The following WDR72 variants were observed in gnomAD, a reference collection of about 807,000 sequenced individuals.
WDR72 encodes WD repeat-containing protein 72.
WDR72 carries 120 observed loss-of-function variants against 124.2 expected under a neutral mutation model. That is an observed-to-expected ratio of 0.97 (90% CI 0.83 to 1.12). The LOEUF is 1.12. Ranked by LOEUF, WDR72 falls within the 50% of genes most tolerant of loss-of-function variation. WDR72 has a pLI of 0.00. For synonymous variants in WDR72, 452 were observed against 441.7 expected (o/e 1.02, Z -0.29); for missense variants, 1,387 against 1,278.8 (o/e 1.08, Z -1.29).
At chr15:53,645,603 T>C (rs538970246) in intron 14 of WDR72, among the ~76,000 whole-genome samples, 9 of 152,284 alleles carry the variant, frequency 5.9e-5, no homozygotes, top group African/African-American at 1.9e-4. Context: ...CTAAGAAAGA[T>C]ATGCTAAACA....
chr15:53,595,785 A>G (rs532895419), intron 18 of WDR72, among the ~76,000 whole-genome samples: 42 of 152,304 alleles, frequency 2.8e-4, no homozygotes, highest in African/African-American at 8.9e-4. Flanking sequence ...AACTATAATT[A>G]CGTGATATGA....
intron 16 of WDR72, 25 bp from the exon 17 acceptor site, chr15:53,609,617 T>C (rs949249070): frequency 1.9e-6 from 3 of 1,586,560 alleles, no homozygotes; most frequent in African/African-American, 2.7e-5. Flanking sequence ...AACACACTTG[T>C]ATCTTTAGAG....
chr15:53,521,619 G>C (rs1595724837), intron 19 of WDR72, among the ~76,000 whole-genome samples: 1 of 151,954 alleles, frequency 6.6e-6, no homozygotes, highest in South Asian at 2.1e-4. Flanking sequence ...CAATCAGATA[G>C]AGAATGTTAT....
At chr15:53,762,205 C>T (rs561096308), upstream of WDR72, among the ~76,000 whole-genome samples, 18 of 152,084 alleles carry the variant, frequency 1.2e-4, no homozygotes, top group Non-Finnish European at 1.8e-4. Context: ...CACAGGTTTT[C>T]CATCTCTTAA....
intron 14 of WDR72, among the ~76,000 whole-genome samples, chr15:53,638,561 ATTTTCTCCTAATCACAT>A (rs1235242745): frequency 5.1e-5 from 7 of 138,562 alleles, no homozygotes; most frequent in Non-Finnish European, 1.1e-4. Flanking sequence ...AAGATTTTAT[ATTTTCTCCTAATCACAT>A]TCTTTTTTTT....
intron 18 of WDR72, among the ~76,000 whole-genome samples, chr15:53,587,887 T>C (rs1278362731): frequency 6.6e-6 from 1 of 152,048 alleles, no homozygotes; most frequent in Non-Finnish European, 1.5e-5. Context: ...CTAACAACTC[T>C]CCTTTGAATT....
chr15:53,612,852 G>T (rs2013603718), intron 16 of WDR72, among the ~76,000 whole-genome samples: 2 of 151,872 alleles, frequency 1.3e-5, no homozygotes, highest in Non-Finnish European at 2.9e-5. Flanking sequence ...ATGATCAGGA[G>T]CCTGCTATGG....
chr15:53,718,842 G>GATTTTTAAA (rs2017792070), intron 3 of WDR72, among the ~76,000 whole-genome samples: 8 of 136,566 alleles, frequency 5.9e-5, no homozygotes, highest in African/African-American at 2.5e-4. Context: ...AAAATCTTAA[G>GATTTTTAAA]AATTTTTAAA....
chr15:53,557,588 G>A (rs915173743), intron 18 of WDR72, among the ~76,000 whole-genome samples: 1 of 151,978 alleles, frequency 6.6e-6, no homozygotes, highest in African/African-American at 2.4e-5. Context: ...GAATGGAGAA[G>A]CAACAGCTTA....
At chr15:53,572,854 T>C (rs1415794050) in intron 18 of WDR72, among the ~76,000 whole-genome samples, 4 of 152,224 alleles carry the variant, frequency 2.6e-5, no homozygotes, top group African/African-American at 9.6e-5. Flanking sequence ...CAGTAGCAAT[T>C]AGAGTTCTCC....
intron 11 of WDR72, 43 bp downstream of exon 11, chr15:53,704,945 T>A (rs2017303753): frequency 6.2e-7 from 1 of 1,609,346 alleles, no homozygotes; most frequent in Non-Finnish European, 8.5e-7. Flanking sequence ...AAATTGCAGC[T>A]TTAGATAAAT....
At chr15:53,601,145 A>G (rs1442525939) in intron 17 of WDR72, among the ~76,000 whole-genome samples, 2 of 152,150 alleles carry the variant, frequency 1.3e-5, no homozygotes, top group African/African-American at 4.8e-5. Flanking sequence ...AGCCCATTAG[A>G]CTAACAGTGG....
intron 18 of WDR72, among the ~76,000 whole-genome samples, chr15:53,573,199 G>A (rs1329411705): frequency 6.6e-6 from 1 of 152,130 alleles, no homozygotes; most frequent in Non-Finnish European, 1.5e-5. Context: ...TTGTCCAAAT[G>A]ACCTCCCTAA....
intron 13 of WDR72, 146 bp downstream of exon 13, chr15:53,699,604 C>T: frequency 5.0e-6 from 4 of 805,218 alleles, no homozygotes; most frequent in Non-Finnish European, 2.0e-6. Flanking sequence ...TGCACACATG[C>T]CTTTAACTGA....
intron 1 of WDR72, among the ~76,000 whole-genome samples, chr15:53,743,700 G>A (rs2018568438): frequency 6.6e-6 from 1 of 152,184 alleles, no homozygotes; most frequent in African/African-American, 2.4e-5. Flanking sequence ...TATCAGGCCA[G>A]GCACAGTGGC....
chr15:53,712,640 A>T (rs2017577917), intron 7 of WDR72, 132 bp downstream of exon 7: 8 of 950,462 alleles, frequency 8.4e-6, no homozygotes, highest in Non-Finnish European at 1.3e-5. Context: ...CATAAAAGAC[A>T]CATCATTCCA....
At position 53,546,215 on chromosome 15, in the gene WDR72, G is replaced by A. The variant is rs1270860466; in HGVS notation, c.3149-22893C>T. ...TGCTGCTATAAAGACACATGCACAC[G>A]TATGTTTATTGCGGCATTATTCACA... On this transcript the variant is annotated intron_variant, in intron 18 of 19. Coordinates refer to ENST00000360509, the MANE Select transcript of WDR72 (RefSeq NM_182758.4). Among the ~76,000 whole-genome samples the A allele has an allele frequency of 6.5e-3, 978 of 150,354 alleles. 13 individuals carry two copies. In the East Asian group the frequency reaches 0.066, roughly 10 times the overall value.
intron 14 of WDR72, among the ~76,000 whole-genome samples, chr15:53,638,612 G>A (rs1465827112): frequency 7.0e-6 from 1 of 141,878 alleles, no homozygotes; most frequent in Non-Finnish European, 1.5e-5. Context: ...GTACAGACTG[G>A]CCTTGCACCA....
intron 13 of WDR72, among the ~76,000 whole-genome samples, chr15:53,693,689 T>A: frequency 6.6e-6 from 1 of 152,164 alleles, no homozygotes; most frequent in Non-Finnish European, 1.5e-5. Context: ...GAAAAAGAAA[T>A]TAAAAGGTGG....
Sources: allele counts gnomAD v4.1 joint callset (sites outside exome capture counted in the v4.1 genomes callset), GRCh38; gene constraint gnomAD v4.1.1; transcripts MANE v1.5; gene names NCBI Gene and HGNC (gene_info 2026-07-23, HGNC 2026-07-21).